GEMIN8: variants seen among roughly 807,000 people sequenced by gnomAD.
The protein encoded by GEMIN8 is gem-associated protein 8.
For missense variants in GEMIN8, 185 were observed against 205.9 expected (o/e 0.90, Z 0.62); for synonymous variants, 80 against 78.5 (o/e 1.02, Z -0.10).
At chrX:14,009,684 C>A (rs1317660164) in intron 4 of GEMIN8, among the ~76,000 whole-genome samples, 1 of 112,146 alleles carries the variant, frequency 8.9e-6, no homozygotes, top group African/African-American at 3.2e-5. Context: ...CTGCACGGCC[C>A]ACTCACCACC....
intron 4 of GEMIN8, among the ~76,000 whole-genome samples, chrX:14,018,567 T>C (rs941486346): frequency 1.8e-5 from 2 of 111,815 alleles, no homozygotes; most frequent in African/African-American, 6.5e-5. Flanking sequence ...AACCCAAACA[T>C]GGACATGCTC....
rs1443015970 is a variant in GEMIN8 at position 14,008,863 on chromosome X, G to C, written c.*50C>G. ...AAATGTACAGAAGGAGAGATAAAGA[G>C]CGTGTACCCAAAAGGAAGAAGGAGA... On this transcript the variant is annotated 3_prime_UTR_variant, in exon 5 of 5. Transcript: ENST00000680255. The C allele has an allele frequency of 2.7e-6, 3 of 1,123,863 alleles. No homozygotes were observed. Among genetic ancestry groups the C allele is most frequent in the Admixed American group, 4.6e-5 (2 of 43,824 alleles). 92.6% of individuals were successfully genotyped at this position (1,123,863 alleles called of 1,213,427 possible). A position where few individuals can be genotyped will look rare whatever the true frequency, so the allele number is the denominator to read the frequency against.
At chrX:14,017,452 T>C (rs1464536788) in intron 4 of GEMIN8, among the ~76,000 whole-genome samples, 4 of 112,237 alleles carry the variant, frequency 3.6e-5, no homozygotes, top group African/African-American at 9.7e-5. Context: ...CAGTCACAGA[T>C]TGCATTTGGG....
intron 2 of GEMIN8, among the ~76,000 whole-genome samples, chrX:14,024,505 A>G (rs192182464): frequency 6.8e-4 from 75 of 110,025 alleles, no homozygotes; most frequent in African/African-American, 2.4e-3. Flanking sequence ...TCTCAAAAAC[A>G]AAAACAAAAA....
rs1923220207 is a variant in GEMIN8 at position 14,007,416 on chromosome X, T to C, written c.*1497A>G. Among the ~76,000 whole-genome samples, 1 of 112,820 alleles carries C rather than the reference T, an allele frequency of 8.9e-6. No homozygotes were observed. The highest frequency in any genetic ancestry group is 3.2e-5 in the African/African-American group (1 of 31,084). On this transcript the variant is annotated 3_prime_UTR_variant, in exon 5 of 5. Coordinates refer to ENST00000680255, the MANE Select transcript of GEMIN8 (RefSeq NM_001042479.2). The stretch of plus-strand genomic sequence containing the variant: ...ATAAATGACCTGCTCCATCAGCTTT[T>C]AGATTTCATTTTCAGAAATGTATTC...
chrX:14,008,488 T>C lies in GEMIN8; in HGVS notation c.*425A>G, dbSNP rs1385373631. 7.5e-6 allele frequency: 1 copy of C among 133,552 alleles called. No homozygotes were observed. Among genetic ancestry groups the C allele is most frequent in the Non-Finnish European group, 1.5e-5 (1 of 68,194 alleles). 11.0% of individuals were successfully genotyped at this position (133,552 alleles called of 1,213,427 possible). On this transcript the variant is annotated 3_prime_UTR_variant, in exon 5 of 5. Coordinates refer to ENST00000680255, the MANE Select transcript of GEMIN8 (RefSeq NM_001042479.2). ...AGTGGTATTTGTCTCACTACACACT[T>C]GGCTCATTTTTAGTGGGGGCTAATG...
Position 14,020,524 on chromosome X carries a change from G to A in GEMIN8, c.26C>T (p.Ser9Leu), listed in dbSNP as rs188311510. The change falls in exon 4 of 5, where the codon TCG (serine) becomes TTG (leucine). Residue 9 changes from serine to leucine, a missense_variant. By Grantham distance (145) the Ser-to-Leu change is moderately radical (BLOSUM62 -2). Coordinates refer to ENST00000680255, the MANE Select transcript of GEMIN8 (RefSeq NM_001042479.2). ...AGAATACCAAGGCCTGGTAGCTTTCGATGTTGATGCCTACAAAATGAAAGG... is the reference window on the plus strand; with the variant it reads ...AGAATACCAAGGCCTGGTAGCTTTCAATGTTGATGCCTACAAAATGAAAGG... MAAVKAST[S>L]KATRPWYSHP... 34 of 1,165,028 alleles carry A rather than the reference G, an allele frequency of 2.9e-5. No homozygotes were observed. The East Asian group carries it at 3.3e-4, about 11-fold the overall frequency.
chrX:13,989,754 C>T, the GEMIN8 span, among the ~76,000 whole-genome samples: 1 of 112,583 alleles, frequency 8.9e-6, no homozygotes, highest in Non-Finnish European at 1.9e-5. Context: ...GGGTTTGAAA[C>T]AGCCTGCGCC....
downstream of GEMIN8, among the ~76,000 whole-genome samples, chrX:14,002,272 G>A (rs1877597475): frequency 9.3e-6 from 1 of 107,734 alleles, no homozygotes; most frequent in African/African-American, 3.4e-5. Context: ...ATTAGATTTC[G>A]GTTGCAAATA....
chrX:14,002,573 C>T (rs1204077311), downstream of GEMIN8, among the ~76,000 whole-genome samples: 1 of 111,499 alleles, frequency 9.0e-6, no homozygotes, highest in East Asian at 2.8e-4. Flanking sequence ...CTGCAACCTC[C>T]GCTCACTGCA....
the GEMIN8 span, among the ~76,000 whole-genome samples, chrX:13,997,798 T>C: frequency 0.031 from 3,338 of 107,820 alleles, 164 homozygotes; most frequent in African/African-American, 0.11. Flanking sequence ...CTCGGGAGGC[T>C]TGAGGCATGA....
rs758284221 is a variant in GEMIN8 at position 14,008,814 on chromosome X, A to G, written c.*99T>C. The G allele has an allele frequency of 4.7e-6, 4 of 847,726 alleles. No homozygotes were observed. In the Admixed American group the frequency reaches 1.0e-4, roughly 22 times the overall value. The allele number at this position is 847,726 out of a possible 1,213,427, so 69.9% of individuals were successfully genotyped here. ...ACTGTGGTGAACATGCCTGTACCCC[A>G]GTACAAAGTCCCCTTTCCCTAAGAA... On this transcript the variant is annotated 3_prime_UTR_variant, in exon 5 of 5. Coordinates refer to ENST00000680255, the MANE Select transcript of GEMIN8 (RefSeq NM_001042479.2).
At chrX:14,010,441 G>T (rs900080039) in intron 4 of GEMIN8, among the ~76,000 whole-genome samples, 3 of 111,907 alleles carry the variant, frequency 2.7e-5, no homozygotes, top group African/African-American at 6.5e-5. Context: ...AACACCACGA[G>T]ATAAGGAGTG....
chrX:13,991,262 A>G, the GEMIN8 span, among the ~76,000 whole-genome samples: 1 of 112,201 alleles, frequency 8.9e-6, no homozygotes, highest in Admixed American at 9.5e-5. Flanking sequence ...TTTGGGATGG[A>G]GTGATTTTCC....
chrX:13,985,075 A>G, the GEMIN8 span, among the ~76,000 whole-genome samples: 1 of 111,520 alleles, frequency 9.0e-6, no homozygotes, highest in Admixed American at 9.5e-5. Context: ...ACTTCTCTCC[A>G]TTGCCTCACC....
At chrX:13,993,682 C>CA in the GEMIN8 span, among the ~76,000 whole-genome samples, 1 of 111,028 alleles carries the variant, frequency 9.0e-6, no homozygotes, top group Admixed American at 9.6e-5. Context: ...CTTCAAGCCT[C>CA]TCAAACTACT....
chrX:14,023,009 C>A (rs1348047991), intron 2 of GEMIN8, among the ~76,000 whole-genome samples: 1 of 112,407 alleles, frequency 8.9e-6, no homozygotes, highest in East Asian at 2.8e-4. Context: ...TCTAAGAGGG[C>A]TGACATAACC....
the GEMIN8 span, among the ~76,000 whole-genome samples, chrX:14,000,099 G>A: frequency 9.2e-6 from 1 of 109,105 alleles, no homozygotes; most frequent in Non-Finnish European, 1.9e-5. Flanking sequence ...GAGCCCAGGA[G>A]TTTGAGATCC....
Position 14,009,151 on chromosome X carries a change from T to C in GEMIN8, c.491A>G (p.Asp164Gly), listed in dbSNP as rs778012322. The C allele has an allele frequency of 6.6e-6, 8 of 1,211,288 alleles. No individual in the cohort carries two copies. The South Asian group carries it at 1.2e-4, about 19-fold the overall frequency. The change falls in exon 5 of 5, where the codon GAT becomes GGT. Residue 164 changes from aspartate (D) to glycine (G), a missense_variant. By Grantham distance (94) the Asp-to-Gly change is moderately conservative. Transcript: ENST00000680255. The stretch of plus-strand genomic sequence containing the variant: ...CACATAGCTGTCCAGGCGCTCTGCA[T>C]CCAGCTGCTGCTGCCGCCCTGAGAA... ...REERRRQQQL[D>G]AERLDSYVNA...
Sources: gnomAD v4.1 joint callset for allele counts (sites outside exome capture counted in the v4.1 genomes callset) on GRCh38, gnomAD v4.1.1 for gene constraint, MANE v1.5 for transcripts, NCBI Gene and HGNC (gene_info 2026-07-23, HGNC 2026-07-21) for gene names.